Variants in CEP120 observed in about 807,000 individuals in gnomAD.
The protein encoded by CEP120 is centrosomal protein of 120 kDa.
Under a neutral mutation model 126.5 loss-of-function variants are expected in CEP120, and 113 were observed. The observed-to-expected ratio is 0.89, with a 90% CI of 0.77 to 1.04. The LOEUF (loss-of-function observed/expected upper bound fraction) is 1.04, where lower values mean the gene tolerates loss of function less well. Among genes scored for constraint, CEP120 ranks in the 50% least tolerant of loss-of-function variants. The pLI is 0.00. For synonymous variants in CEP120, 400 were observed against 394.3 expected (o/e 1.01, Z -0.17); for missense variants, 1,230 against 1,155.7 (o/e 1.06, Z -0.93).
chr5:123,394,189 C>T (rs1201188456), intron 5 of CEP120, among the ~76,000 whole-genome samples: 1 of 152,152 alleles, frequency 6.6e-6, no homozygotes, highest in Admixed American at 6.5e-5. Context: ...AGATGGCTTA[C>T]ATATAATTAT....
At chr5:123,402,097 C>A (rs145761985) in intron 4 of CEP120, 2 of 1,504,786 alleles carry the variant, frequency 1.3e-6, no homozygotes, top group Non-Finnish European at 1.8e-6. Context: ...GCCTGGATGT[C>A]GGGGTCCACC....
In CEP120 at chr5:123,371,007, A is replaced by C. The variant is rs140275290; in HGVS notation, c.2481+1643T>G. Among the ~76,000 whole-genome samples, 474 of 152,072 alleles carry C rather than the reference A, an allele frequency of 3.1e-3. 1 individual carries two copies. Among genetic ancestry groups the C allele is most frequent in the African/African-American group, 0.01 (434 of 41,512 alleles). On this transcript the variant is annotated intron_variant, in intron 17 of 19. Coordinates refer to ENST00000306467, the MANE Select transcript of CEP120 (RefSeq NM_001375405.1). ...GGAGTAATATTTGACTTTGCTTACCAGATAAAATTTGAATTCTTTAACTTA... is the reference window on the plus strand; with the variant it reads ...GGAGTAATATTTGACTTTGCTTACCCGATAAAATTTGAATTCTTTAACTTA...
At chr5:123,404,351 T>C (rs888787349) in intron 4 of CEP120, among the ~76,000 whole-genome samples, 1 of 152,172 alleles carries the variant, frequency 6.6e-6, no homozygotes, top group Non-Finnish European at 1.5e-5. Context: ...AATTTAACCA[T>C]CTCTTGGGTT....
At chr5:123,393,263 C>T (rs776850252) in intron 6 of CEP120, 37 bp downstream of exon 6, 1 of 1,591,668 alleles carries the variant, frequency 6.3e-7, no homozygotes, top group Non-Finnish European at 8.6e-7. Flanking sequence ...GCTTAAAAGA[C>T]CACCTCCAGC....
At chr5:123,401,480 T>C (rs1773232934) in intron 4 of CEP120, 3 of 1,262,072 alleles carry the variant, frequency 2.4e-6, no homozygotes, top group Non-Finnish European at 3.5e-6. Flanking sequence ...ACTCTGCAGC[T>C]CCTCATCCTT....
chr5:123,420,965 C>T (rs142540343), intron 1 of CEP120, among the ~76,000 whole-genome samples: 231 of 152,208 alleles, frequency 1.5e-3, no homozygotes, highest in Middle Eastern at 6.8e-3. Flanking sequence ...AAATACAGTA[C>T]GAACAAGAGA....
intron 18 of CEP120, among the ~76,000 whole-genome samples, chr5:123,360,987 T>A (rs1770037082): frequency 6.6e-6 from 1 of 151,572 alleles, no homozygotes; most frequent in African/African-American, 2.4e-5. Context: ...CTTGCATAGA[T>A]ACTTCTCAAT....
At chr5:123,408,331 T>C (rs1195177416) in intron 4 of CEP120, among the ~76,000 whole-genome samples, 2 of 150,318 alleles carry the variant, frequency 1.3e-5, no homozygotes, top group Non-Finnish European at 3.0e-5. Flanking sequence ...AATCAAAAGC[T>C]GGTTCTCTGA....
intron 16 of CEP120, among the ~76,000 whole-genome samples, chr5:123,374,070 G>A (rs1411991631): frequency 6.6e-6 from 1 of 152,026 alleles, no homozygotes; most frequent in Admixed American, 6.6e-5. Flanking sequence ...AAATATCCAT[G>A]TAAATAAAAA....
At chr5:123,399,314 A>G (rs1332224042) in intron 4 of CEP120, 30 bp from the exon 5 acceptor site, 1 of 1,605,692 alleles carries the variant, frequency 6.2e-7, no homozygotes, top group Non-Finnish European at 8.5e-7. Flanking sequence ...ATTAAACTAC[A>G]TTGTAGTTTG....
intron 3 of CEP120, among the ~76,000 whole-genome samples, chr5:123,415,012 A>T (rs1221056695): frequency 1.4e-5 from 2 of 143,952 alleles, no homozygotes; most frequent in Non-Finnish European, 3.0e-5. Context: ...AGCCCTAAGC[A>T]GCACCATGTT....
intron 18 of CEP120, among the ~76,000 whole-genome samples, chr5:123,354,572 C>G (rs189281857): frequency 6.6e-6 from 1 of 152,004 alleles, no homozygotes; most frequent in East Asian, 1.9e-4. Flanking sequence ...TGCTGTGTTA[C>G]CAGGTACAAA....
intron 6 of CEP120, among the ~76,000 whole-genome samples, chr5:123,392,700 G>A (rs893722429): frequency 1.3e-5 from 2 of 152,134 alleles, no homozygotes; most frequent in Non-Finnish European, 2.9e-5. Flanking sequence ...TGTAGAAACA[G>A]GGTCTTGCTA....
chr5:123,385,359 TATC>T (rs1275915879), intron 10 of CEP120, among the ~76,000 whole-genome samples: 1 of 152,194 alleles, frequency 6.6e-6, no homozygotes, highest in African/African-American at 2.4e-5. Context: ...CATAAAATTA[TATC>T]ATATTTTTAC....
At chr5:123,403,742 T>C in intron 4 of CEP120, 1 of 423,618 alleles carries the variant, frequency 2.4e-6, no homozygotes, top group Admixed American at 2.9e-5. Context: ...ATGATATTTC[T>C]GCCAAAGATG....
At chr5:123,398,959 A>AT (rs1383435589) in intron 5 of CEP120, among the ~76,000 whole-genome samples, 177 bp downstream of exon 5, 1 of 151,866 alleles carries the variant, frequency 6.6e-6, no homozygotes, top group Non-Finnish European at 1.5e-5. Flanking sequence ...ATCAAAATCT[A>AT]TTTTTTCTAA....
In CEP120 at chr5:123,399,121, C is replaced by T; in HGVS notation, c.612+15G>A. 3.8e-6 allele frequency: 6 copies of T among 1,562,468 alleles called. No individual in the cohort carries two copies. Among genetic ancestry groups the T allele is most frequent in the Non-Finnish European group, 5.2e-6 (6 of 1,147,416 alleles). ...CAAATTATTCGTAAGTCACCAATCT[C>T]ATGAAAAGTCTCACCTGTTCCAACT... On this transcript the variant is annotated intron_variant, in intron 5 of 19. Coordinates refer to ENST00000306467, the MANE Select transcript of CEP120 (RefSeq NM_001375405.1).
At chr5:123,408,095 G>A (rs1272407461) in intron 4 of CEP120, among the ~76,000 whole-genome samples, 2 of 152,048 alleles carry the variant, frequency 1.3e-5, no homozygotes, top group East Asian at 3.9e-4. Flanking sequence ...TAATTTCGCT[G>A]GGCACAGAAA....
rs773832163 is a variant in CEP120, at chr5:123,412,537, G to T, written c.325C>A (p.Pro109Thr). Residue 109 changes from proline to threonine, a missense_variant, in exon 4 of 20, where the codon CCA becomes ACA. Pro to Thr is a conservative substitution (Grantham distance 38). Coordinates refer to ENST00000306467, the MANE Select transcript of CEP120 (RefSeq NM_001375405.1). The stretch of plus-strand genomic sequence containing the variant: ...TTACTCAGCAACTGGTACCATTTTG[G>T]TGCCTAGAGAATAATAAAATAACAA... ...LRTAQETKQA[P>T]KWYQLLSNKY... 2.0e-5 allele frequency: 32 copies of T among 1,591,564 alleles called. No homozygotes were observed. Among genetic ancestry groups the T allele is most frequent in the South Asian group, 5.8e-5 (5 of 86,156 alleles).
Sources: allele counts gnomAD v4.1 joint callset (sites outside exome capture counted in the v4.1 genomes callset), GRCh38; gene constraint gnomAD v4.1.1; transcripts MANE v1.5; gene names NCBI Gene and HGNC (gene_info 2026-07-23, HGNC 2026-07-21).